SHANK2: variants seen among roughly 807,000 people sequenced by gnomAD.
The protein encoded by SHANK2 is SH3 and multiple ankyrin repeat domains 2, also known as SH3 and multiple ankyrin repeat domains protein 2.
Under a neutral mutation model 133.7 loss-of-function variants are expected in SHANK2, and 43 were observed. The observed-to-expected ratio is 0.32, with a 90% CI of 0.25 to 0.41. SHANK2 has a LOEUF of 0.41. Among genes scored for constraint, SHANK2 ranks in the 10% least tolerant of loss-of-function variants. The probability of loss-of-function intolerance (pLI) is 1.00; values close to 1 mark genes in which losing one functional copy is unlikely to be tolerated. For synonymous variants in SHANK2, 1,017 were observed against 952.8 expected, an observed-to-expected ratio of 1.07 and a Z score of -1.24; for missense variants, 1,994 against 2,235.8, an observed-to-expected ratio of 0.89 and a Z score of 2.18.
rs116058435 is a variant in SHANK2 at position 70,951,553 on chromosome 11, G to A, written c.1108-54986C>T. Among the ~76,000 whole-genome samples the A allele has an allele frequency of 5.2e-3, 787 of 151,098 alleles. 8 individuals are homozygous for A. The highest frequency in any genetic ancestry group is 0.018 in the African/African-American group (758 of 41,046). On this transcript the variant is annotated intron_variant, in intron 10 of 25. Coordinates refer to ENST00000601538, the MANE Select transcript of SHANK2 (RefSeq NM_012309.5). ...CATAAATTCATTTCCCCTGGCTGCT[G>A]CGTGGTGACGTCATAAATTCATTTC...
rs537792765 is a variant in SHANK2 at position 70,758,291 on chromosome 11, C to T, written c.1777+40152G>A. Among the ~76,000 whole-genome samples the T allele has an allele frequency of 5.3e-5, 8 of 152,310 alleles. No homozygotes were observed. In the South Asian group the frequency reaches 1.2e-3, roughly 24 times the overall value. ...CACTCTATTAAATCTTGCAACTGCA[C>T]GCTCTTCTGGTCCGTGTTTGTTACG... On this transcript the variant is annotated intron_variant, in intron 14 of 25. Coordinates refer to ENST00000601538, the MANE Select transcript of SHANK2 (RefSeq NM_012309.5).
intron 14 of SHANK2, among the ~76,000 whole-genome samples, chr11:70,708,072 C>T (rs1773706924): frequency 6.6e-6 from 1 of 152,204 alleles, no homozygotes. Flanking sequence ...CTTCCAGGGC[C>T]TCAGGAGGCA....
chr11:70,515,337 C>A (rs1190648617), intron 17 of SHANK2, among the ~76,000 whole-genome samples: 3 of 152,164 alleles, frequency 2.0e-5, no homozygotes, highest in African/African-American at 7.2e-5. Flanking sequence ...CTGCGCCTGG[C>A]CATTCAATGA....
At chr11:71,194,002 G>A (rs1180408583) in intron 2 of SHANK2, among the ~76,000 whole-genome samples, 1 of 152,132 alleles carries the variant, frequency 6.6e-6, no homozygotes, top group Non-Finnish European at 1.5e-5. Flanking sequence ...GTGAATTTGC[G>A]GGGACACAGT....
At chr11:70,499,517 A>C (rs1300985671) in intron 21 of SHANK2, among the ~76,000 whole-genome samples, 1 of 152,224 alleles carries the variant, frequency 6.6e-6, no homozygotes, top group Non-Finnish European at 1.5e-5. Flanking sequence ...TGTTCTGGCA[A>C]CTGGGTCCCT....
Position 70,500,586 on chromosome 11 carries a change from C to CGCCAT in SHANK2, c.2291_2292insATGGC (p.Val765TrpfsTer13). On this transcript the variant is annotated frameshift_variant, in exon 21 of 26. Transcript: ENST00000601538. LOFTEE classifies it high-confidence loss of function. The surrounding 1 kb of genome is among the most constrained non-coding windows in gnomAD (Gnocchi z 4.5). ...CTCCCTTACCCTTCTTCTTCCGGAC[C>CGCCAT]GAGGCTTGCAAACAGAAAGGGGACC... 1 of 1,602,818 alleles carries CGCCAT rather than the reference C, an allele frequency of 6.2e-7. No homozygotes were observed. The highest frequency in any genetic ancestry group is 1.1e-5 in the South Asian group (1 of 88,846).
chr11:71,223,378 C>T (rs1954589288), intron 2 of SHANK2, among the ~76,000 whole-genome samples: 1 of 152,264 alleles, frequency 6.6e-6, no homozygotes, highest in South Asian at 2.1e-4. Flanking sequence ...TTACCCTGAA[C>T]TCAACCAACC....
At chr11:70,544,456 G>A (rs558622106) in intron 17 of SHANK2, among the ~76,000 whole-genome samples, 88 of 152,354 alleles carry the variant, frequency 5.8e-4, no homozygotes, top group African/African-American at 2.0e-3. Context: ...TGTGAGACCC[G>A]GAGCAGCTGC....
chr11:70,575,587 G>A (rs1591600246), intron 17 of SHANK2, among the ~76,000 whole-genome samples: 1 of 151,772 alleles, frequency 6.6e-6, no homozygotes, highest in African/African-American at 2.4e-5. Context: ...CCCCTGGGGT[G>A]GGGAGGAGAC....
chr11:70,613,559 G>A (rs907978192), intron 17 of SHANK2, among the ~76,000 whole-genome samples: 1 of 151,982 alleles, frequency 6.6e-6, no homozygotes, highest in African/African-American at 2.4e-5. Flanking sequence ...TGGAAGACCT[G>A]GCCATGTGCA....
chr11:71,211,744 A>G (rs1354234169), intron 2 of SHANK2, among the ~76,000 whole-genome samples: 1 of 151,754 alleles, frequency 6.6e-6, no homozygotes, highest in African/African-American at 2.4e-5. Flanking sequence ...TATTTTCTCT[A>G]TATATAACTT....
intron 2 of SHANK2, among the ~76,000 whole-genome samples, chr11:71,166,711 G>A (rs1953158777): frequency 6.6e-6 from 1 of 151,348 alleles, no homozygotes; most frequent in African/African-American, 2.4e-5. Context: ...ATGAACTCCT[G>A]ACCTCAAGTG....
At chr11:70,793,268 T>C (rs1947834500) in intron 14 of SHANK2, among the ~76,000 whole-genome samples, 1 of 152,174 alleles carries the variant, frequency 6.6e-6, no homozygotes, top group African/African-American at 2.4e-5. Flanking sequence ...AACCTGCATA[T>C]ACAGAGGGCT....
rs1430470538 is a variant in SHANK2, at chr11:70,576,401, G to A, written c.2062-73470C>T. Among the ~76,000 whole-genome samples, 5 of 152,216 alleles carry A rather than the reference G, an allele frequency of 3.3e-5. No homozygotes were observed. The East Asian group carries it at 7.8e-4, about 24-fold the overall frequency. The stretch of plus-strand genomic sequence containing the variant: ...TGTAATCCCAGCACTTTGGGAGGCC[G>A]AGGCGGGCAGATCACGAGGTCAGGA... On this transcript the variant is annotated intron_variant, in intron 17 of 25. Transcript: ENST00000601538.
rs1175078407 is a variant in SHANK2, at chr11:70,798,538, C to T, written c.1682G>A (p.Gly561Glu). Residue 561 changes from glycine (G) to glutamate (E), a missense_variant, in exon 14 of 26, where the codon GGG (glycine) becomes GAG (glutamate). By Grantham distance (98) the Gly-to-Glu change is moderately conservative. Coordinates refer to ENST00000601538, the MANE Select transcript of SHANK2 (RefSeq NM_012309.5). Reference protein sequence around the residue: ...DRVKVLSIGEGGFWEGSARGH... With the variant: ...DRVKVLSIGEEGFWEGSARGH... ...GCGGGCGCTGCCTTCCCAGAAGCCC[C>T]CTTCACCGATGCTCAGAACTAGAGA... The T allele has an allele frequency of 5.6e-6, 4 of 718,472 alleles. No homozygotes were observed. The highest frequency in any genetic ancestry group is 5.2e-5 in the African/African-American group (3 of 57,250). 44.5% of individuals were successfully genotyped at this position (718,472 alleles called of 1,614,324 possible).
chr11:70,832,997 C>T (rs540682819), intron 11 of SHANK2, among the ~76,000 whole-genome samples: 2 of 152,342 alleles, frequency 1.3e-5, no homozygotes, highest in South Asian at 2.1e-4. Context: ...GCCTGGCCAG[C>T]GTCCTCAGCG....
At chr11:70,602,081 G>A (rs2060505252) in intron 17 of SHANK2, among the ~76,000 whole-genome samples, 1 of 152,196 alleles carries the variant, frequency 6.6e-6, no homozygotes, top group Non-Finnish European at 1.5e-5. Context: ...TAGTGAGTGA[G>A]TTCTCCGGAG....
chr11:70,519,395 T>C (rs1185412293), intron 17 of SHANK2, among the ~76,000 whole-genome samples: 2 of 152,216 alleles, frequency 1.3e-5, no homozygotes, highest in Non-Finnish European at 2.9e-5. Context: ...GGCTCACGCC[T>C]GTAATCCCAG....
At chr11:70,871,827 G>A (rs1429117433) in intron 11 of SHANK2, among the ~76,000 whole-genome samples, 9 of 152,262 alleles carry the variant, frequency 5.9e-5, no homozygotes, top group Admixed American at 2.0e-4. Context: ...CTTTGAAGCC[G>A]TCTGAGATTT....
Sources: gnomAD v4.1 joint callset for allele counts (sites outside exome capture counted in the v4.1 genomes callset) on GRCh38, gnomAD v4.1.1 for gene constraint, Gnocchi (gnomAD v3.1) non-coding constraint, MANE v1.5 for transcripts, NCBI Gene and HGNC (gene_info 2026-07-23, HGNC 2026-07-21) for gene names.